UTP4: variants seen among roughly 807,000 people sequenced by gnomAD.
UTP4 encodes the protein U3 small nucleolar RNA-associated protein 4 homolog.
UTP4 carries 45 observed loss-of-function variants against 82.4 expected under a neutral mutation model. The observed-to-expected ratio is 0.55, with a 90% CI of 0.43 to 0.70. UTP4 has a LOEUF of 0.70. Ranked by LOEUF, UTP4 falls within the 30% of genes least tolerant of loss-of-function variation. UTP4 has a pLI of 0.00. For synonymous variants in UTP4, 348 were observed against 300.3 expected, an observed-to-expected ratio of 1.16 and a Z score of -1.64; for missense variants, 819 against 858.3, an observed-to-expected ratio of 0.95 and a Z score of 0.57.
rs966454380 is a variant in UTP4, at chr16:69,161,908, C to T, written c.1552-1175C>T. ...AACTCCTGGACTCAAGCGTTCCTCC[C>T]GCCCTGGCCCTTCCGAAGTGCTGTA... On this transcript the variant is annotated intron_variant, in intron 13 of 16. Transcript: ENST00000314423. Among the ~76,000 whole-genome samples the T allele has an allele frequency of 4.7e-4, 71 of 151,960 alleles. 1 individual carries two copies. The highest frequency in any genetic ancestry group is 1.6e-3 in the African/African-American group (65 of 41,428).
intron 14 of UTP4, among the ~76,000 whole-genome samples, chr16:69,164,440 A>G (rs1306653009): frequency 6.6e-6 from 1 of 151,942 alleles, no homozygotes; most frequent in East Asian, 1.9e-4. Flanking sequence ...ACTTGATAAT[A>G]TACAGTGTTC....
intron 2 of UTP4, among the ~76,000 whole-genome samples, chr16:69,133,966 C>T (rs1851930968): frequency 6.6e-6 from 1 of 152,168 alleles, no homozygotes; most frequent in African/African-American, 2.4e-5. Flanking sequence ...AGTATCAGTA[C>T]TGTTTCATTG....
intron 4 of UTP4, 44 bp from the exon 5 acceptor site, chr16:69,139,781 T>G: frequency 7.8e-7 from 1 of 1,288,978 alleles, no homozygotes; most frequent in Non-Finnish European, 1.1e-6. Context: ...TCTTCGTATA[T>G]TTATGTGTAT....
chr16:69,159,412 G>A (rs868476750), intron 12 of UTP4, among the ~76,000 whole-genome samples: 28 of 152,114 alleles, frequency 1.8e-4, no homozygotes, highest in Admixed American at 9.8e-4. Flanking sequence ...AAAAATTTAG[G>A]GGCCGGGCAC....
chr16:69,136,507 AT>A (rs1369514612), intron 2 of UTP4, among the ~76,000 whole-genome samples, 188 bp from the exon 3 acceptor site: 3 of 152,388 alleles, frequency 2.0e-5, no homozygotes, highest in Non-Finnish European at 4.4e-5. Context: ...AAAGAAACAA[AT>A]TTAACTGTAT....
At chr16:69,144,717 G>C (rs1439604665) in intron 6 of UTP4, among the ~76,000 whole-genome samples, 5 of 152,192 alleles carry the variant, frequency 3.3e-5, no homozygotes, top group Non-Finnish European at 7.3e-5. Flanking sequence ...ACAGTTTGAT[G>C]TATGTTAAGG....
At chr16:69,167,010 A>G in intron 15 of UTP4, 65 bp from the exon 16 acceptor site, 4 of 1,072,410 alleles carry the variant, frequency 3.7e-6, no homozygotes, top group South Asian at 1.2e-5. Context: ...AATGCACTAC[A>G]GATCTTTGGT....
At chr16:69,133,381 A>T (rs927925423) in intron 1 of UTP4, 77 bp from the exon 2 acceptor site, 25 of 1,401,442 alleles carry the variant, frequency 1.8e-5, no homozygotes, top group Non-Finnish European at 2.3e-5. Flanking sequence ...CAGAACAGTG[A>T]TATTAAGGAA....
At chr16:69,138,237 T>TC (rs954920466) in intron 4 of UTP4, among the ~76,000 whole-genome samples, 2 of 149,262 alleles carry the variant, frequency 1.3e-5, no homozygotes, top group African/African-American at 4.9e-5. Context: ...TTTTCTTTCT[T>TC]TTTTTTTTTT....
intron 6 of UTP4, among the ~76,000 whole-genome samples, 192 bp from the exon 7 acceptor site, chr16:69,150,345 A>G (rs1218212853): frequency 6.6e-6 from 1 of 152,176 alleles, no homozygotes; most frequent in Non-Finnish European, 1.5e-5. Flanking sequence ...TAGGGGGCGC[A>G]TTGTTACCAG....
chr16:69,151,930 C>G (rs1360550506), intron 8 of UTP4, among the ~76,000 whole-genome samples: 1 of 151,434 alleles, frequency 6.6e-6, no homozygotes, highest in Non-Finnish European at 1.5e-5. Flanking sequence ...AACTTGCTCC[C>G]CACACCTGCT....
chr16:69,149,334 C>T (rs1003169008), intron 6 of UTP4, among the ~76,000 whole-genome samples: 14 of 152,064 alleles, frequency 9.2e-5, no homozygotes, highest in Admixed American at 1.3e-4. Context: ...GAGCTGAGAT[C>T]GCGCCATTGC....
At chr16:69,157,344 C>G (rs925888142) in intron 12 of UTP4, 104 bp downstream of exon 12, 16 of 1,113,530 alleles carry the variant, frequency 1.4e-5, no homozygotes, top group Non-Finnish European at 2.0e-5. Context: ...TCCTCCTACC[C>G]TGCAGATACA....
At chr16:69,138,884 C>T (rs759496107) in intron 4 of UTP4, 1 of 151,914 alleles carries the variant, frequency 6.6e-6, no homozygotes, top group Non-Finnish European at 1.5e-5. Flanking sequence ...TAGCAAATGT[C>T]CTCTGTGTCC....
chr16:69,166,918 G>A, intron 15 of UTP4, 157 bp from the exon 16 acceptor site: 1 of 629,146 alleles, frequency 1.6e-6, no homozygotes, highest in Non-Finnish European at 2.8e-6. Flanking sequence ...GAGGTATTAT[G>A]GCTACAGCTG....
At position 69,163,886 on chromosome 16, in the gene UTP4, T is replaced by G. The variant is rs1283749373; in HGVS notation, c.1647+708T>G. Among the ~76,000 whole-genome samples, 7 of 137,226 alleles carry G rather than the reference T, an allele frequency of 5.1e-5. No individual in the cohort carries two copies. In the East Asian group the frequency reaches 1.0e-3, roughly 20 times the overall value. 90.0% of individuals were successfully genotyped at this position (137,226 alleles called of 152,430 possible). A position where few individuals can be genotyped will look rare whatever the true frequency, so the allele number is the denominator to read the frequency against. ...CTTACTGCTTTGATGGTCAGTTTGT[T>G]TTTTTTTTTTTTTTTTTGAGACAGA... On this transcript the variant is annotated intron_variant, in intron 14 of 16. Coordinates refer to ENST00000314423, the MANE Select transcript of UTP4 (RefSeq NM_032830.3).
At position 69,139,921 on chromosome 16, in the gene UTP4, G is replaced by GT. The variant is rs748111394; in HGVS notation, c.526+14dup. ...GTGTTTGATGTCAAATCAGGTGATT[G>GT]TTTTTTTCAGTTCATTTGGGGTGTG... On this transcript the variant is annotated splice_region_variant and intron_variant, in intron 5 of 16. Coordinates refer to ENST00000314423, the MANE Select transcript of UTP4 (RefSeq NM_032830.3). 1.4e-5 allele frequency: 22 copies of GT among 1,591,052 alleles called. No individual in the cohort carries two copies. Among genetic ancestry groups the GT allele is most frequent in the East Asian group, 6.7e-5 (3 of 44,758 alleles).
chr16:69,152,861 C>G (rs1336676445), intron 8 of UTP4, among the ~76,000 whole-genome samples: 4 of 152,140 alleles, frequency 2.6e-5, no homozygotes, highest in Non-Finnish European at 5.9e-5. Flanking sequence ...TGGTCTCAAG[C>G]AATCCTCGCA....
intron 12 of UTP4, among the ~76,000 whole-genome samples, chr16:69,158,561 CTA>C (rs1442633268): frequency 6.6e-6 from 1 of 152,056 alleles, no homozygotes; most frequent in Non-Finnish European, 1.5e-5. Flanking sequence ...ATAAATCAAA[CTA>C]TTTATTATCT....
Sources: allele counts gnomAD v4.1 joint callset (sites outside exome capture counted in the v4.1 genomes callset), GRCh38; gene constraint gnomAD v4.1.1; transcripts MANE v1.5; gene names NCBI Gene and HGNC (gene_info 2026-07-23, HGNC 2026-07-21).